The following SYT16 variants were observed in gnomAD, a reference collection of about 807,000 sequenced individuals.
SYT16 encodes synaptotagmin-16.
In SYT16, 42 loss-of-function variants were observed where a neutral mutation model predicts 61.4. The observed-to-expected ratio is 0.68, with a 90% CI of 0.53 to 0.89. The LOEUF is 0.89. Ranked by LOEUF, SYT16 falls within the 40% of genes least tolerant of loss-of-function variation. SYT16 has a pLI of 0.00. For synonymous variants in SYT16, 314 were observed against 302.3 expected (o/e 1.04, Z -0.40); for missense variants, 804 against 807.3 (o/e 1.00, Z 0.05).
chr14:62,045,674 T>C (rs1487581293), intron 3 of SYT16, among the ~76,000 whole-genome samples: 1 of 152,146 alleles, frequency 6.6e-6, no homozygotes, highest in Non-Finnish European at 1.5e-5. Context: ...CATTGTTCAA[T>C]TCCCACCTAT....
rs978161872 is a variant in SYT16, at chr14:62,108,753, A to G, written c.*8046A>G. On this transcript the variant is annotated 3_prime_UTR_variant, in exon 8 of 8. Transcript: ENST00000683842. ...TTAAGTTTGTGAATAAGAAATTAGT[A>G]TTTGTATACCTTATTATGACAGAGG... The G allele has an allele frequency of 6.6e-6, 1 of 152,200 alleles. No individual in the cohort carries two copies. Among genetic ancestry groups the G allele is most frequent in the Non-Finnish European group, 1.5e-5 (1 of 68,022 alleles). The allele number at this position is 152,200 out of a possible 1,614,324, so 9.4% of individuals were successfully genotyped here.
At chr14:61,870,993 G>A (rs986541017) in intron 1 of SYT16, among the ~76,000 whole-genome samples, 1 of 152,094 alleles carries the variant, frequency 6.6e-6, no homozygotes, top group African/African-American at 2.4e-5. Flanking sequence ...GTTAGATATT[G>A]TGAATTTTAT....
At chr14:62,067,333 C>T (rs945739435) in intron 3 of SYT16, among the ~76,000 whole-genome samples, 1 of 152,066 alleles carries the variant, frequency 6.6e-6, no homozygotes, top group African/African-American at 2.4e-5. Flanking sequence ...GCTATGAAGG[C>T]AACTACTTAA....
At chr14:61,920,012 T>C (rs574140871) in intron 1 of SYT16, among the ~76,000 whole-genome samples, 5 of 152,200 alleles carry the variant, frequency 3.3e-5, no homozygotes, top group Admixed American at 1.3e-4. Flanking sequence ...TCTCAATTTA[T>C]GCTCAGAAAG....
intron 1 of SYT16, among the ~76,000 whole-genome samples, chr14:61,860,784 T>A (rs2046939030): frequency 6.6e-6 from 1 of 152,194 alleles, no homozygotes; most frequent in South Asian, 2.1e-4. Context: ...GGCCATTCGA[T>A]TCAAGAGTGT....
At chr14:62,018,338 G>A (rs1237146157) in intron 3 of SYT16, among the ~76,000 whole-genome samples, 33 of 99,286 alleles carry the variant, frequency 3.3e-4, no homozygotes, top group African/African-American at 7.2e-4. Context: ...AGACTGTCTC[G>A]CTCTTGTTAC....
intron 1 of SYT16, among the ~76,000 whole-genome samples, chr14:61,839,298 T>G (rs1490604748): frequency 6.6e-6 from 1 of 152,204 alleles, no homozygotes; most frequent in Non-Finnish European, 1.5e-5. Flanking sequence ...GCTGTTCTTC[T>G]GCCATGTGAG....
At chr14:61,939,062 T>C (rs2050105647) in intron 1 of SYT16, among the ~76,000 whole-genome samples, 1 of 151,984 alleles carries the variant, frequency 6.6e-6, no homozygotes, top group South Asian at 2.1e-4. Context: ...TTGAACCCAG[T>C]AGGCAGAGGT....
rs536825497 is a variant in SYT16 at position 61,933,057 on chromosome 14, T to G, written c.-324-37075T>G. On this transcript the variant is annotated intron_variant, in intron 1 of 7. Coordinates refer to ENST00000683842, the MANE Select transcript of SYT16 (RefSeq NM_001367656.1). ...TTTTTGGTGGAATATCTTTGACAGG[T>G]GAGTTTGGGAAAGCCAGTCTAGTTG... Among the ~76,000 whole-genome samples the G allele has an allele frequency of 4.6e-5, 7 of 152,296 alleles. No homozygotes were observed. The South Asian group carries it at 1.5e-3, about 32-fold the overall frequency.
intron 1 of SYT16, among the ~76,000 whole-genome samples, chr14:61,862,772 C>T (rs1403637229): frequency 2.0e-5 from 3 of 152,190 alleles, no homozygotes; most frequent in Admixed American, 1.3e-4. Context: ...TCTGTCCATT[C>T]GTCCTTCTAC....
chr14:62,081,312 G>A (rs2056699823), intron 6 of SYT16, 38 bp downstream of exon 6: 1 of 1,572,852 alleles, frequency 6.4e-7, no homozygotes, highest in Non-Finnish European at 8.7e-7. Context: ...GATGTGGTGT[G>A]TTCGAAGACC....
chr14:61,987,196 A>C (rs1329749373), intron 2 of SYT16, among the ~76,000 whole-genome samples: 3 of 152,122 alleles, frequency 2.0e-5, no homozygotes, highest in African/African-American at 7.2e-5. Context: ...GGGAGCCTGA[A>C]GGGAGAAGAG....
chr14:61,833,514 A>G (rs2046011695), intron 1 of SYT16, among the ~76,000 whole-genome samples: 1 of 151,436 alleles, frequency 6.6e-6, no homozygotes, highest in African/African-American at 2.4e-5. Context: ...CTGGTCTCGA[A>G]CTTCTGACCT....
chr14:62,071,869 T>A (rs1167407266), intron 4 of SYT16, among the ~76,000 whole-genome samples: 1 of 152,164 alleles, frequency 6.6e-6, no homozygotes. Flanking sequence ...GAAACATGAG[T>A]GAGCTATTGG....
intron 1 of SYT16, among the ~76,000 whole-genome samples, chr14:61,956,903 T>G (rs2050899609): frequency 6.6e-6 from 1 of 151,896 alleles, no homozygotes. Context: ...AATCTGTACA[T>G]TGCTAAAATA....
chr14:61,903,096 G>A (rs1253853510), intron 1 of SYT16, among the ~76,000 whole-genome samples: 1 of 152,110 alleles, frequency 6.6e-6, no homozygotes, highest in Non-Finnish European at 1.5e-5. Context: ...GTTCTCCCTG[G>A]TGGCTCTATC....
chr14:61,941,932 T>A (rs960810152), intron 1 of SYT16, among the ~76,000 whole-genome samples: 2 of 152,230 alleles, frequency 1.3e-5, no homozygotes, highest in Non-Finnish European at 2.9e-5. Context: ...TTTTTTGCCT[T>A]TGCCTGGCAA....
rs1246118757 is a variant in SYT16, at chr14:62,111,814, T to C, written c.*11107T>C. ...TCCTCAAAAGAATTGAACCCTTACT[T>C]TAGAAACTTCTGACAATCTTCAGAA... On this transcript the variant is annotated 3_prime_UTR_variant, in exon 8 of 8. Coordinates refer to ENST00000683842, the MANE Select transcript of SYT16 (RefSeq NM_001367656.1). The C allele has an allele frequency of 7.9e-5, 12 of 152,076 alleles. No individual in the cohort carries two copies. The South Asian group carries it at 2.5e-3, about 32-fold the overall frequency. 9.4% of individuals were successfully genotyped at this position (152,076 alleles called of 1,614,324 possible).
chr14:62,064,843 A>G (rs534441623), intron 3 of SYT16, among the ~76,000 whole-genome samples: 33 of 152,308 alleles, frequency 2.2e-4, no homozygotes, highest in African/African-American at 7.7e-4. Context: ...AAGCAGTAGA[A>G]CAATGCCTGG....
Sources: gnomAD v4.1 joint callset for allele counts (sites outside exome capture counted in the v4.1 genomes callset) on GRCh38, gnomAD v4.1.1 for gene constraint, MANE v1.5 for transcripts, NCBI Gene and HGNC (gene_info 2026-07-23, HGNC 2026-07-21) for gene names.